QTMAN: variants seen among roughly 807,000 people sequenced by gnomAD.
QTMAN encodes the protein tRNA-queuosine alpha-mannosyltransferase.
chr2:144,252,261 G>A, the QTMAN span, among the ~76,000 whole-genome samples: 7 of 152,092 alleles, frequency 4.6e-5, no homozygotes, highest in South Asian at 4.1e-4. Flanking sequence ...TGTAGTCCCA[G>A]TTATTGGGGA....
the QTMAN span, among the ~76,000 whole-genome samples, chr2:144,014,798 C>G: frequency 6.6e-6 from 1 of 152,190 alleles, no homozygotes; most frequent in Non-Finnish European, 1.5e-5. Flanking sequence ...AAAGATGGTT[C>G]TATTTCCAGC....
chr2:144,251,105 T>C, the QTMAN span, among the ~76,000 whole-genome samples: 3 of 152,216 alleles, frequency 2.0e-5, no homozygotes, highest in African/African-American at 7.2e-5. Flanking sequence ...AGTGGAAATA[T>C]TACCATTTTC....
At chr2:143,979,760 T>G in the QTMAN span, among the ~76,000 whole-genome samples, 3 of 152,180 alleles carry the variant, frequency 2.0e-5, no homozygotes, top group Admixed American at 6.5e-5. Context: ...CATTTCACAG[T>G]TTTTATATAA....
chr2:144,084,109 A>G, the QTMAN span, among the ~76,000 whole-genome samples: 1 of 152,200 alleles, frequency 6.6e-6, no homozygotes, highest in African/African-American at 2.4e-5. Flanking sequence ...TTCCAGTCAA[A>G]GGTCCAAACA....
the QTMAN span, among the ~76,000 whole-genome samples, chr2:144,330,673 C>A: frequency 6.6e-6 from 1 of 152,166 alleles, no homozygotes; most frequent in Non-Finnish European, 1.5e-5. Flanking sequence ...AAAAAAATTT[C>A]ATTTAATTAC....
the QTMAN span, among the ~76,000 whole-genome samples, chr2:144,193,512 G>GTGTGTGTGTGTA: frequency 6.7e-6 from 1 of 150,072 alleles, no homozygotes; most frequent in Admixed American, 6.7e-5. Context: ...TTACGTGTGT[G>GTGTGTGTGTGTA]TGTGTGTGTG....
At chr2:144,171,320 T>C in the QTMAN span, among the ~76,000 whole-genome samples, 1 of 152,152 alleles carries the variant, frequency 6.6e-6, no homozygotes, top group African/African-American at 2.4e-5. Flanking sequence ...AAATCCCAAT[T>C]GTACTCTGGA....
chr2:144,067,845 G>A, the QTMAN span, among the ~76,000 whole-genome samples: 1 of 152,182 alleles, frequency 6.6e-6, no homozygotes. Context: ...GTTTTGAGGT[G>A]GGGGAAGTGC....
At chr2:144,252,249 C>A in the QTMAN span, among the ~76,000 whole-genome samples, 1 of 151,888 alleles carries the variant, frequency 6.6e-6, no homozygotes, top group Non-Finnish European at 1.5e-5. Context: ...ATGACACACA[C>A]CTGTAGTCCC....
the QTMAN span, among the ~76,000 whole-genome samples, chr2:144,327,327 C>T: frequency 1.3e-5 from 2 of 152,150 alleles, no homozygotes; most frequent in African/African-American, 4.8e-5. Context: ...AGTTCTGTCA[C>T]TCCAGCAAAT....
At chr2:144,105,368 C>A in the QTMAN span, among the ~76,000 whole-genome samples, 16 of 152,218 alleles carry the variant, frequency 1.1e-4, no homozygotes, top group African/African-American at 3.9e-4. Flanking sequence ...AAAGATTAGA[C>A]GAATGGCTAA....
At chr2:144,269,923 G>C in the QTMAN span, among the ~76,000 whole-genome samples, 1 of 151,054 alleles carries the variant, frequency 6.6e-6, no homozygotes, top group Non-Finnish European at 1.5e-5. Flanking sequence ...CATTTGTAAC[G>C]CATTATAATA....
chr2:144,259,044 C>T, the QTMAN span, among the ~76,000 whole-genome samples: 1 of 152,164 alleles, frequency 6.6e-6, no homozygotes, highest in South Asian at 2.1e-4. Context: ...CAAGTTATTC[C>T]TTTTCTGATC....
the QTMAN span, among the ~76,000 whole-genome samples, chr2:144,003,066 T>C: frequency 1.3e-5 from 2 of 151,998 alleles, no homozygotes; most frequent in Non-Finnish European, 2.9e-5. Flanking sequence ...ACATTATTTA[T>C]GTTAACATAT....
At chr2:144,107,863 C>G in the QTMAN span, among the ~76,000 whole-genome samples, 2 of 152,184 alleles carry the variant, frequency 1.3e-5, no homozygotes, top group East Asian at 3.8e-4. Flanking sequence ...CAATAAAATA[C>G]TGGCAAACCG....
the QTMAN span, chr2:144,007,432 T>G: frequency 3.7e-6 from 6 of 1,613,342 alleles, no homozygotes; most frequent in Non-Finnish European, 5.1e-6. Flanking sequence ...TCTGAATCTC[T>G]CTGCTCTGGC....
chr2:144,245,804 A>C, the QTMAN span, among the ~76,000 whole-genome samples: 3 of 152,230 alleles, frequency 2.0e-5, no homozygotes, highest in African/African-American at 4.8e-5. Flanking sequence ...AAAATAACAT[A>C]GCATTTCCAA....
At chr2:143,980,291 T>G in the QTMAN span, among the ~76,000 whole-genome samples, 1 of 152,162 alleles carries the variant, frequency 6.6e-6, no homozygotes, top group Non-Finnish European at 1.5e-5. Flanking sequence ...AATGTCTGGT[T>G]TTCTGTTCCT....
At chr2:144,040,398 T>C in the QTMAN span, among the ~76,000 whole-genome samples, 1 of 152,046 alleles carries the variant, frequency 6.6e-6, no homozygotes, top group Non-Finnish European at 1.5e-5. Flanking sequence ...ACCAGATCTA[T>C]ATCATCTTCT....
Sources: allele counts gnomAD v4.1 joint callset (sites outside exome capture counted in the v4.1 genomes callset), GRCh38; gene constraint gnomAD v4.1.1; transcripts MANE v1.5; gene names NCBI Gene and HGNC (gene_info 2026-07-23, HGNC 2026-07-21).